Variants in ANXA13 observed in about 807,000 individuals in gnomAD.
The protein encoded by ANXA13 is annexin A13, also known as annexin XIII.
In ANXA13, 36 loss-of-function variants were observed where a neutral mutation model predicts 46.6. That is an observed-to-expected ratio of 0.77 (90% confidence interval 0.59 to 1.02). The LOEUF is 1.02. Ranked by LOEUF, ANXA13 falls within the 50% of genes least tolerant of loss-of-function variation. ANXA13 has a pLI of 0.00. For synonymous variants in ANXA13, 163 were observed against 152.9 expected, an observed-to-expected ratio of 1.07 and a Z score of -0.49; for missense variants, 417 against 396.5, an observed-to-expected ratio of 1.05 and a Z score of -0.44.
chr8:123,718,042 G>GT (rs1813793259), intron 1 of ANXA13, among the ~76,000 whole-genome samples: 1 of 152,336 alleles, frequency 6.6e-6, no homozygotes, highest in East Asian at 1.9e-4. Flanking sequence ...TTCCTCGAGT[G>GT]TTTTTCCAGC....
intron 8 of ANXA13, among the ~76,000 whole-genome samples, chr8:123,692,960 T>C (rs1808546369): frequency 6.6e-6 from 1 of 152,146 alleles, no homozygotes; most frequent in Non-Finnish European, 1.5e-5. Flanking sequence ...CACTGCAGGC[T>C]GTTTAGCGGC....
At chr8:123,718,745 G>A (rs1173600338) in intron 1 of ANXA13, among the ~76,000 whole-genome samples, 1 of 152,182 alleles carries the variant, frequency 6.6e-6, no homozygotes, top group African/African-American at 2.4e-5. Flanking sequence ...CTCAAAGGAG[G>A]AAGCATAGAA....
At chr8:123,688,997 A>G in intron 8 of ANXA13, 51 bp from the exon 9 acceptor site, 1 of 1,575,812 alleles carries the variant, frequency 6.3e-7, no homozygotes. Flanking sequence ...CTTTGACCTT[A>G]GTACTCTTGG....
At chr8:123,736,870 C>T (rs1163103431) in intron 1 of ANXA13, among the ~76,000 whole-genome samples, 69 of 67,362 alleles carry the variant, frequency 1.0e-3, no homozygotes, top group South Asian at 6.1e-3. Flanking sequence ...TTTTTTGGGA[C>T]GGAGTTTCAC....
chr8:123,702,757 A>C (rs768541358), intron 2 of ANXA13, 21 bp from the exon 3 acceptor site: 1 of 1,597,290 alleles, frequency 6.3e-7, no homozygotes, highest in Admixed American at 1.7e-5. Context: ...GGAGAAACAA[A>C]CAAAGCCACA....
intron 1 of ANXA13, among the ~76,000 whole-genome samples, chr8:123,724,696 A>G (rs1412515167): frequency 1.3e-5 from 2 of 152,240 alleles, no homozygotes; most frequent in Admixed American, 6.5e-5. Flanking sequence ...CATTAAAGCC[A>G]TTGGACCTCC....
chr8:123,725,224 A>C (rs923448864), intron 1 of ANXA13, among the ~76,000 whole-genome samples: 64 of 152,250 alleles, frequency 4.2e-4, no homozygotes, highest in African/African-American at 1.4e-3. Context: ...TTTAAAAATA[A>C]TTAATAGAAT....
chr8:123,682,936 AC>A (rs1366578767), intron 10 of ANXA13, among the ~76,000 whole-genome samples: 1 of 152,086 alleles, frequency 6.6e-6, no homozygotes, highest in Non-Finnish European at 1.5e-5. Context: ...TGATCACGGA[AC>A]CCTCACAAGC....
chr8:123,735,207 A>G (rs1814232472), intron 1 of ANXA13, among the ~76,000 whole-genome samples: 1 of 151,990 alleles, frequency 6.6e-6, no homozygotes, highest in Non-Finnish European at 1.5e-5. Flanking sequence ...AACATTGTCT[A>G]TTACACTATG....
intron 1 of ANXA13, chr8:123,735,762 G>A (rs1399986675): frequency 6.2e-7 from 1 of 1,611,122 alleles, no homozygotes; most frequent in Non-Finnish European, 8.5e-7. Flanking sequence ...TACAGGCTGT[G>A]GGGCCTCTGG....
chr8:123,700,840 T>C (rs530162099), intron 3 of ANXA13, among the ~76,000 whole-genome samples: 1 of 152,072 alleles, frequency 6.6e-6, no homozygotes, highest in East Asian at 1.9e-4. Flanking sequence ...TTTCTTTCCT[T>C]TCCACAGGGT....
At chr8:123,722,099 G>T (rs1455943634) in intron 1 of ANXA13, among the ~76,000 whole-genome samples, 1 of 152,102 alleles carries the variant, frequency 6.6e-6, no homozygotes, top group Non-Finnish European at 1.5e-5. Flanking sequence ...GAGACCAGGA[G>T]TTCAAGACCA....
chr8:123,737,189 G>A, intron 1 of ANXA13, 131 bp downstream of exon 1: 3 of 913,184 alleles, frequency 3.3e-6, no homozygotes, highest in East Asian at 5.4e-5. Context: ...ATGGTATGCT[G>A]TTGCTAAAAC....
chr8:123,697,305 A>AGAAGG (rs1446743844), intron 4 of ANXA13, among the ~76,000 whole-genome samples: 1 of 152,144 alleles, frequency 6.6e-6, no homozygotes, highest in African/African-American at 2.4e-5. Flanking sequence ...GGTGCTTCTG[A>AGAAGG]GAAGGGTGGA....
intron 1 of ANXA13, among the ~76,000 whole-genome samples, chr8:123,724,842 T>A (rs1313235069): frequency 2.0e-5 from 3 of 152,232 alleles, no homozygotes; most frequent in Non-Finnish European, 1.5e-5. Flanking sequence ...TCTGGCCCAT[T>A]ACTTATTTTT....
intron 1 of ANXA13, chr8:123,728,205 T>C (rs1814040017): frequency 1.3e-5 from 2 of 152,224 alleles, no homozygotes; most frequent in African/African-American, 4.8e-5. Flanking sequence ...CAAGATTTTG[T>C]GTCCTGGGGA....
At chr8:123,682,879 T>TG (rs1327634031) in intron 10 of ANXA13, among the ~76,000 whole-genome samples, 8 of 152,162 alleles carry the variant, frequency 5.3e-5, no homozygotes, top group African/African-American at 1.9e-4. Flanking sequence ...GATTCTGAGA[T>TG]GGGACAGAGC....
intron 3 of ANXA13, among the ~76,000 whole-genome samples, chr8:123,701,394 CG>C (rs1813444785): frequency 6.6e-6 from 1 of 152,170 alleles, no homozygotes; most frequent in Non-Finnish European, 1.5e-5. Flanking sequence ...CGCTTGAACC[CG>C]GGAGGCAGAG....
intron 10 of ANXA13, among the ~76,000 whole-genome samples, chr8:123,682,571 G>A (rs1005433895): frequency 1.3e-5 from 2 of 152,210 alleles, no homozygotes; most frequent in East Asian, 3.9e-4. Flanking sequence ...CAGGATGGGA[G>A]TATGTGGGGG....
Sources: gnomAD v4.1 joint callset for allele counts (sites outside exome capture counted in the v4.1 genomes callset) on GRCh38, gnomAD v4.1.1 for gene constraint, MANE v1.5 for transcripts, NCBI Gene and HGNC (gene_info 2026-07-23, HGNC 2026-07-21) for gene names.